Variants in GANAB observed in about 807,000 individuals in gnomAD.
GANAB encodes the protein glucosidase II alpha subunit.
GANAB carries 35 observed loss-of-function variants against 129.9 expected under a neutral mutation model. The observed-to-expected ratio is 0.27, with a 90% confidence interval of 0.21 to 0.36. The LOEUF (loss-of-function observed/expected upper bound fraction) is 0.36, where lower values mean the gene tolerates loss of function less well. Among genes scored for constraint, GANAB ranks in the 10% least tolerant of loss-of-function variants. The pLI is 1.00. For missense variants in GANAB, 939 were observed against 1,221.0 expected (o/e 0.77, Z 3.44); for synonymous variants, 482 against 451.8 (o/e 1.07, Z -0.85).
intron 23 of GANAB, 49 bp downstream of exon 23, chr11:62,626,016 C>T (rs1246338639): frequency 1.3e-6 from 2 of 1,509,944 alleles, no homozygotes; most frequent in East Asian, 2.2e-5. Flanking sequence ...CTAAACCTGC[C>T]CCGGCTTCCC....
intron 13 of GANAB, 98 bp from the exon 14 acceptor site, chr11:62,630,055 A>G: frequency 7.1e-7 from 1 of 1,416,260 alleles, no homozygotes; most frequent in Non-Finnish European, 9.9e-7. Context: ...AAAAAGATGC[A>G]TTTTTCAGGG....
chr11:62,629,702 A>C lies in GANAB; in HGVS notation c.1738-18T>G. 6.2e-7 allele frequency: 1 copy of C among 1,608,820 alleles called. No individual in the cohort carries two copies. Among genetic ancestry groups the C allele is most frequent in the South Asian group, 1.1e-5 (1 of 90,782 alleles). ...GCCATGTGCTGGGTGAGGAGAGAAG[A>C]GACGGGTAGTGAGGAGCAAAAGCCA... On this transcript the variant is annotated intron_variant, in intron 14 of 23. Transcript: ENST00000356638.
chr11:62,634,385 G>C lies in GANAB; in HGVS notation c.560+436C>G, dbSNP rs767861411. 5.0e-6 allele frequency: 8 copies of C among 1,589,452 alleles called. No homozygotes were observed. The African/African-American group carries it at 9.4e-5, about 19-fold the overall frequency. On this transcript the variant is annotated intron_variant, in intron 5 of 23. Coordinates refer to ENST00000356638, the MANE Select transcript of GANAB (RefSeq NM_198334.3). ...AACCTTATCCGAGAAACTGGGGCAG[G>C]AGGAGATGGGTAGGGAAGGGGAAAA... is the stretch of plus-strand genomic sequence containing the variant.
chr11:62,639,815 T>C (rs1339781511), intron 1 of GANAB, 84 bp from the exon 2 acceptor site: 4 of 798,246 alleles, frequency 5.0e-6, no homozygotes, highest in Non-Finnish European at 8.9e-6. Context: ...CTTCCTGTCA[T>C]AGCACTAGAA....
intron 5 of GANAB, 169 bp from the exon 6 acceptor site, chr11:62,633,683 T>A (rs1943800700): frequency 1.6e-6 from 1 of 627,208 alleles, no homozygotes; most frequent in Non-Finnish European, 2.8e-6. Context: ...GCAGATAAGT[T>A]TGCAAAGGAT....
At position 62,626,917 on chromosome 11, in the gene GANAB, T is replaced by G. The variant is rs752912028; in HGVS notation, c.2340A>C (p.Gln780His). The G allele has an allele frequency of 5.0e-6, 8 of 1,612,000 alleles. No individual in the cohort carries two copies. The highest frequency in any genetic ancestry group is 1.6e-4 in the Middle Eastern group (1 of 6,084). The change falls in exon 20 of 24, where the codon CAA becomes CAC. Residue 780 changes from glutamine to histidine, a missense_variant. By Grantham distance (24) the Gln-to-His change is conservative (BLOSUM62 0). This residue lies in a region of GANAB where 230 missense variants were observed against 259.9 expected (regional missense o/e 0.89). Transcript: ENST00000356638. ...GGGGACCATGATGCTTCTGGTAGCTTTGAATGTCATACCACACCTGTGAGT... is the reference window on the plus strand; with the variant it reads ...GGGGACCATGATGCTTCTGGTAGCTGTGAATGTCATACCACACCTGTGAGT... ...PGQGEVWYDIQSYQKHHGPQT... is the reference protein window; with the variant it reads ...PGQGEVWYDIHSYQKHHGPQT...
chr11:62,632,843 T>C lies in GANAB; in HGVS notation c.816-98A>G, dbSNP rs963211324. ...ACACAGGTGAGAGATAAGCAAAGGCTCCTCTTGTCCTTTCTCAAAAAATTT... is the reference window on the plus strand; with the variant it reads ...ACACAGGTGAGAGATAAGCAAAGGCCCCTCTTGTCCTTTCTCAAAAAATTT... On this transcript the variant is annotated intron_variant, in intron 8 of 23. Coordinates refer to ENST00000356638, the MANE Select transcript of GANAB (RefSeq NM_198334.3). 4 of 1,081,290 alleles carry C rather than the reference T, an allele frequency of 3.7e-6. No individual in the cohort carries two copies. In the African/African-American group the frequency reaches 4.7e-5, roughly 13 times the overall value. 67.0% of individuals were successfully genotyped at this position (1,081,290 alleles called of 1,614,324 possible). A position where few individuals can be genotyped will look rare whatever the true frequency, so the allele number is the denominator to read the frequency against.
intron 4 of GANAB, 47 bp from the exon 5 acceptor site, chr11:62,635,047 A>C: frequency 7.1e-7 from 1 of 1,399,308 alleles, no homozygotes; most frequent in Non-Finnish European, 1.0e-6. Flanking sequence ...AAGGGCCAAG[A>C]GGAGTAATGA....
In GANAB at chr11:62,633,266, C is replaced by T; in HGVS notation, c.636G>A (p.Glu212=). The change falls in exon 7 of 24, where the codon GAG becomes GAA. Residue 212 remains glutamate (E), a synonymous_variant. Coordinates refer to ENST00000356638, the MANE Select transcript of GANAB (RefSeq NM_198334.3). ...EETPRDGDKP[E]ETQGKAEKDE... ...CTTTCTCTGCCTTCCCCTGAGTCTC[C>T]TCTGGCTGTTAAGAAGAAAAGAGGA... 1 of 1,613,342 alleles carries T rather than the reference C, an allele frequency of 6.2e-7. No homozygotes were observed. Among genetic ancestry groups the T allele is most frequent in the Non-Finnish European group, 8.5e-7 (1 of 1,179,286 alleles).
rs1202424795 is a variant in GANAB, at chr11:62,626,632, C to T, written c.2450G>A (p.Arg817Gln). The change falls in exon 21 of 24, where the codon CGG (arginine) becomes CAG (glutamine). Residue 817 changes from arginine to glutamine, a missense_variant. Physicochemically the swap from Arg to Gln is conservative, Grantham distance 43 (BLOSUM62 1). This residue lies in a region of GANAB where 230 missense variants were observed against 259.9 expected (regional missense o/e 0.89). Transcript: ENST00000356638. ...ATCCTTCATACATTCTGAAGACCGC[C>T]GCACTCGCATCCATCGAGGCACGAT... The part of the protein sequence containing the change: ...GTIVPRWMRV[R>Q]RSSECMKDDP... 1.2e-6 allele frequency: 2 copies of T among 1,612,468 alleles called. No homozygotes were observed. Among genetic ancestry groups the T allele is most frequent in the Admixed American group, 1.7e-5 (1 of 59,888 alleles).
chr11:62,633,959 A>C (rs1943816152), intron 5 of GANAB: 2 of 349,724 alleles, frequency 5.7e-6, no homozygotes, highest in Non-Finnish European at 1.1e-5. Context: ...ATACATAGGG[A>C]CTTCAAGAGA....
intron 4 of GANAB, among the ~76,000 whole-genome samples, chr11:62,638,649 A>T (rs1199185089): frequency 2.0e-5 from 3 of 150,572 alleles, no homozygotes; most frequent in Non-Finnish European, 4.4e-5. Flanking sequence ...GAAGGAAGCA[A>T]GCAAACAAGC....
chr11:62,640,228 C>CAAAAAAAAA lies in GANAB; in HGVS notation c.39-506_39-498dup, dbSNP rs869051826. On this transcript the variant is annotated intron_variant, in intron 1 of 23. Coordinates refer to ENST00000356638, the MANE Select transcript of GANAB (RefSeq NM_198334.3). ...CTCCAGCCTGGGCGACAGAGCTAGA[C>CAAAAAAAAA]AAAAAAAAAAAAAAAAAAAAAAAAG... 1.2e-3 allele frequency among the ~76,000 whole-genome samples: 33 copies of CAAAAAAAAA among 28,022 alleles called. 4 individuals carry two copies. The highest frequency in any genetic ancestry group is 1.3e-3 in the African/African-American group (6 of 4,746). The allele number at this position is 28,022 out of a possible 152,430, so 18.4% of individuals were successfully genotyped here.
chr11:62,629,490 G>A, intron 15 of GANAB, 98 bp downstream of exon 15: 1 of 868,126 alleles, frequency 1.2e-6, no homozygotes, highest in South Asian at 1.6e-5. Context: ...CAGATGCAGT[G>A]TGTGGCTCCC....
chr11:62,646,516 G>A (rs1274704803), intron 1 of GANAB, 46 bp downstream of exon 1: 3 of 1,601,670 alleles, frequency 1.9e-6, no homozygotes, highest in Admixed American at 1.7e-5. Context: ...GGACTTGGGG[G>A]ATCTGGGGGC....
At chr11:62,642,922 G>A (rs921799076) in intron 1 of GANAB, among the ~76,000 whole-genome samples, 7 of 152,114 alleles carry the variant, frequency 4.6e-5, no homozygotes, top group African/African-American at 1.7e-4. Context: ...TAAATAGCTG[G>A]TAAGGGATGA....
chr11:62,633,915 C>T (rs1390750826), intron 5 of GANAB: 1 of 375,168 alleles, frequency 2.7e-6, no homozygotes, highest in African/African-American at 2.0e-5. Context: ...TTTGCAAAGG[C>T]ATGTGGGTCA....
chr11:62,630,080 T>C, intron 13 of GANAB, 117 bp downstream of exon 13: 1 of 1,304,108 alleles, frequency 7.7e-7, no homozygotes, highest in South Asian at 1.2e-5. Context: ...CCCCGGATCA[T>C]CAAGGCCCCC....
chr11:62,644,013 T>C (rs1005565918), intron 1 of GANAB, among the ~76,000 whole-genome samples: 2 of 152,190 alleles, frequency 1.3e-5, no homozygotes, highest in East Asian at 1.9e-4. Context: ...GGCACGATCT[T>C]GGCTCACCGC....
Sources: allele counts gnomAD v4.1 joint callset (sites outside exome capture counted in the v4.1 genomes callset), GRCh38; gene constraint gnomAD v4.1.1; regional missense constraint gnomAD v4.1.1; transcripts MANE v1.5; gene names NCBI Gene and HGNC (gene_info 2026-07-23, HGNC 2026-07-21).